STS: variants seen among roughly 807,000 people sequenced by gnomAD.
STS encodes steroid sulfatase, also known as steryl-sulfatase.
In STS, 7 loss-of-function variants were observed where a neutral mutation model predicts 26.8. The observed-to-expected ratio is 0.26, with a 90% CI of 0.15 to 0.49. The LOEUF (loss-of-function observed/expected upper bound fraction) is 0.49. Ranked by LOEUF, STS falls within the 20% of genes least tolerant of loss-of-function variation. STS has a pLI of 0.98. For synonymous variants in STS, 199 were observed against 189.4 expected (o/e 1.05, Z -0.42); for missense variants, 434 against 465.6 (o/e 0.93, Z 0.63).
At chrX:7,176,504 G>T (rs563309508) in intron 1 of STS, among the ~76,000 whole-genome samples, 1 of 111,749 alleles carries the variant, frequency 8.9e-6, no homozygotes, top group South Asian at 3.8e-4. Context: ...CTACAAGTAG[G>T]TGTATTAGTC....
chrX:7,240,533 GTATATA>G (rs58524417), intron 2 of STS, among the ~76,000 whole-genome samples: 17 of 60,548 alleles, frequency 2.8e-4, no homozygotes, highest in Admixed American at 6.4e-4. Context: ...GTGTGTGTGT[GTATATA>G]TATATATATA....
intron 6 of STS, among the ~76,000 whole-genome samples, chrX:7,271,352 A>G (rs369066461): frequency 4.3e-4 from 48 of 110,904 alleles, no homozygotes; most frequent in African/African-American, 1.5e-3. Context: ...GGGGAACACA[A>G]TCTGCTTCTG....
At chrX:7,308,855 T>C (rs1926343606) in intron 8 of STS, among the ~76,000 whole-genome samples, 1 of 111,793 alleles carries the variant, frequency 8.9e-6, no homozygotes, top group Admixed American at 9.5e-5. Flanking sequence ...TGTCAAGATA[T>C]CTTGTTCTCT....
At chrX:7,165,996 C>T (rs773326929) in intron 1 of STS, among the ~76,000 whole-genome samples, 2 of 107,182 alleles carry the variant, frequency 1.9e-5, no homozygotes, top group South Asian at 8.1e-4. Flanking sequence ...TTCTCTCTGT[C>T]GCTGTCTTTT....
At position 7,259,789 on chromosome X, in the gene STS, C is replaced by T; in HGVS notation, c.806+17C>T. The stretch of plus-strand genomic sequence containing the variant: ...CATACAGCGGTGGGTATTGCCTTGT[C>T]CTCTGATGCTGCCTGTTAAAAAACA... On this transcript the variant is annotated intron_variant, in intron 6 of 10. Coordinates refer to ENST00000674429, the MANE Select transcript of STS (RefSeq NM_001320752.2). 1 of 1,205,296 alleles carries T rather than the reference C, an allele frequency of 8.3e-7. No homozygotes were observed. Among genetic ancestry groups the T allele is most frequent in the Non-Finnish European group, 1.1e-6 (1 of 892,545 alleles).
At position 7,253,165 on chromosome X, in the gene STS, C is replaced by T. The variant is rs759560563; in HGVS notation, c.-4-31C>T. The T allele has an allele frequency of 7.5e-6, 9 of 1,206,874 alleles. No individual in the cohort carries two copies. The East Asian group carries it at 2.7e-4, about 36-fold the overall frequency. Reference sequence around the variant, plus strand: ...AACCTTGTCTCAAGCTGACATCCTTCAGTTCCTTTTTGTGTCCTTGTCCTT... The same window carrying T: ...AACCTTGTCTCAAGCTGACATCCTTTAGTTCCTTTTTGTGTCCTTGTCCTT... On this transcript the variant is annotated intron_variant, in intron 2 of 10. Transcript: ENST00000674429.
chrX:7,204,274 A>G (rs1011344541), intron 2 of STS, among the ~76,000 whole-genome samples: 2 of 111,815 alleles, frequency 1.8e-5, no homozygotes, highest in African/African-American at 6.5e-5. Flanking sequence ...AAGTGTTGGC[A>G]TGCCATAATA....
intron 10 of STS, among the ~76,000 whole-genome samples, chrX:7,338,945 G>T (rs1198178470): frequency 9.0e-6 from 1 of 111,695 alleles, no homozygotes; most frequent in Non-Finnish European, 1.9e-5. Context: ...TCATTCCAAA[G>T]GAATGTGTTC....
In STS at chrX:7,172,502, G is replaced by C. The variant is rs148864009; in HGVS notation, c.-133-18378G>C. Among the ~76,000 whole-genome samples, 175 of 111,458 alleles carry C rather than the reference G, an allele frequency of 1.6e-3. 1 individual carries two copies. The East Asian group carries it at 0.029, about 19-fold the overall frequency. On this transcript the variant is annotated intron_variant, in intron 1 of 10. Coordinates refer to ENST00000674429, the MANE Select transcript of STS (RefSeq NM_001320752.2). ...TAAGACTGATTTCTCTTATAGGCAA[G>C]TCAACACCTGTCGTTGCTTGTGTAT... is the stretch of plus-strand genomic sequence containing the variant.
chrX:7,179,715 C>T (rs1411305588), intron 1 of STS, among the ~76,000 whole-genome samples: 1 of 112,075 alleles, frequency 8.9e-6, no homozygotes, highest in Non-Finnish European at 1.9e-5. Flanking sequence ...AATACTGACT[C>T]TAAGAACTCA....
chrX:7,313,549 T>C (rs1323279220), intron 8 of STS, among the ~76,000 whole-genome samples: 2 of 112,571 alleles, frequency 1.8e-5, no homozygotes, highest in Non-Finnish European at 3.8e-5. Flanking sequence ...CAAAGCTGCC[T>C]CTTCATGCTA....
At chrX:7,317,075 G>A (rs769785917) in intron 8 of STS, among the ~76,000 whole-genome samples, 1 of 112,106 alleles carries the variant, frequency 8.9e-6, no homozygotes, top group South Asian at 3.7e-4. Context: ...AAGAGTCTTT[G>A]AGTAAATTGT....
intron 2 of STS, among the ~76,000 whole-genome samples, chrX:7,199,910 A>G (rs1248568199): frequency 9.0e-6 from 1 of 111,187 alleles, no homozygotes; most frequent in Admixed American, 9.6e-5. Context: ...TAAAACCCTT[A>G]GCTTTGGAGA....
intron 2 of STS, among the ~76,000 whole-genome samples, chrX:7,246,987 T>A (rs1455635858): frequency 8.9e-6 from 1 of 112,799 alleles, no homozygotes; most frequent in Non-Finnish European, 1.9e-5. Context: ...CATAAAATAA[T>A]TCTATGGTAA....
chrX:7,204,653 C>A (rs1276551431), intron 2 of STS, among the ~76,000 whole-genome samples: 2 of 103,425 alleles, frequency 1.9e-5, no homozygotes, highest in Non-Finnish European at 4.0e-5. Flanking sequence ...TTTTCTCTCT[C>A]CTGCCTTCCT....
intron 8 of STS, among the ~76,000 whole-genome samples, chrX:7,317,039 C>T (rs1926743140): frequency 8.9e-6 from 1 of 112,050 alleles, no homozygotes; most frequent in African/African-American, 3.2e-5. Context: ...AAATAGAAGC[C>T]TGGTTTGCAA....
Position 7,325,568 on chromosome X carries a change from T to C in STS, c.1241+70T>C, listed in dbSNP as rs552461278. Reference sequence around the variant, plus strand: ...ACAGCCCAGTATGCTCTGGTTTGCCTGCATAATGGTGTGGGGACCAAGGCC... The same window carrying C: ...ACAGCCCAGTATGCTCTGGTTTGCCCGCATAATGGTGTGGGGACCAAGGCC... On this transcript the variant is annotated intron_variant, in intron 9 of 10. Transcript: ENST00000674429. The C allele has an allele frequency of 2.5e-3, 2,896 of 1,144,369 alleles. 10 individuals are homozygous for C. Among genetic ancestry groups the C allele is most frequent in the Middle Eastern group, 8.6e-3 (26 of 3,011 alleles). 94.3% of individuals were successfully genotyped at this position (1,144,369 alleles called of 1,213,427 possible).
At position 7,353,254 on chromosome X, in the gene STS, G is replaced by A. The variant is rs1928876474; in HGVS notation, c.*2993G>A. On this transcript the variant is annotated 3_prime_UTR_variant, in exon 11 of 11. Transcript: ENST00000674429. Reference sequence around the variant, plus strand: ...GAAGAATAAGACATAAAATAGCTCCGACCTCCATGATCCGAGAGTGGGAAA... The same window carrying A: ...GAAGAATAAGACATAAAATAGCTCCAACCTCCATGATCCGAGAGTGGGAAA... 9.1e-6 allele frequency: 1 copy of A among 110,101 alleles called. No individual in the cohort carries two copies. The highest frequency in any genetic ancestry group is 2.8e-4 in the East Asian group (1 of 3,519). The allele number at this position is 110,101 out of a possible 1,213,427, so 9.1% of individuals were successfully genotyped here.
rs184724173 is a variant in STS, at chrX:7,156,423, G to A, written c.-134+8340G>A. On this transcript the variant is annotated intron_variant, in intron 1 of 10. Coordinates refer to ENST00000674429, the MANE Select transcript of STS (RefSeq NM_001320752.2). The stretch of plus-strand genomic sequence containing the variant: ...TTTAATAGGCTAAGTGAAGTAGGTG[G>A]GTCAAACAGGTACAACACATGTATT... Among the ~76,000 whole-genome samples the A allele has an allele frequency of 4.5e-5, 5 of 110,809 alleles. No individual in the cohort carries two copies. The Admixed American group carries it at 4.8e-4, about 11-fold the overall frequency.
Sources: allele counts gnomAD v4.1 joint callset (sites outside exome capture counted in the v4.1 genomes callset), GRCh38; gene constraint gnomAD v4.1.1; transcripts MANE v1.5; gene names NCBI Gene and HGNC (gene_info 2026-07-23, HGNC 2026-07-21).